Variants in ATP2B1 observed in about 807,000 individuals in gnomAD.
ATP2B1 encodes plasma membrane calcium-transporting ATPase 1.
A neutral mutation model predicts 124.2 loss-of-function variants in ATP2B1; 14 were observed. The observed-to-expected ratio is 0.11, with a 90% CI of 0.07 to 0.18. The LOEUF (loss-of-function observed/expected upper bound fraction) is 0.18. Ranked by LOEUF, ATP2B1 falls within the 10% of genes least tolerant of loss-of-function variation. The pLI, the probability that ATP2B1 is intolerant of heterozygous loss-of-function variation, is 1.00. For missense variants in ATP2B1, 763 were observed against 1,466.1 expected, an observed-to-expected ratio of 0.52 and a Z score of 7.83; for synonymous variants, 449 against 492.4, an observed-to-expected ratio of 0.91 and a Z score of 1.17.
chr12:89,659,915 C>CAAAAAAAAA (rs1234238576), intron 1 of ATP2B1, among the ~76,000 whole-genome samples: 1 of 42,508 alleles, frequency 2.4e-5, no homozygotes. Flanking sequence ...AAGCGAGACT[C>CAAAAAAAAA]AAAAAAAAAA....
intron 12 of ATP2B1, among the ~76,000 whole-genome samples, chr12:89,614,481 A>G (rs1370102101): frequency 2.0e-5 from 3 of 152,186 alleles, no homozygotes; most frequent in Non-Finnish European, 1.5e-5. Context: ...TAATCTCTCA[A>G]CAGGCTGCTG....
rs1892842150 is a variant in ATP2B1 at position 89,708,774 on chromosome 12, G to C, written c.-400C>G. ...GAGGTGCAGCTGCACCTCGGGGATG[G>C]GGCGGCCAAGGAGCCGAGAGGCTCG... On this transcript the variant is annotated 5_prime_UTR_variant, in exon 1 of 21. Transcript: ENST00000428670. 2.0e-5 allele frequency: 3 copies of C among 151,960 alleles called. No individual in the cohort carries two copies. Among genetic ancestry groups the C allele is most frequent in the Admixed American group, 1.3e-4 (2 of 15,266 alleles). The allele number at this position is 151,960 out of a possible 1,614,324, so 9.4% of individuals were successfully genotyped here.
rs1032842613 is a variant in ATP2B1, at chr12:89,648,501, A to G, written c.209-6146T>C. ...TCTCAGCAGCAAAACATTCAAGAAC[A>G]GGCATGGCTGATTCAACAGCCTACT... On this transcript the variant is annotated intron_variant, in intron 2 of 20. Transcript: ENST00000428670. Among the ~76,000 whole-genome samples, 8 of 152,224 alleles carry G rather than the reference A, an allele frequency of 5.3e-5. No individual in the cohort carries two copies. In the South Asian group the frequency reaches 8.3e-4, roughly 16 times the overall value.
rs753435833 is a variant in ATP2B1, at chr12:89,624,402, C to T, written c.1130-5G>A. On this transcript the variant is annotated splice_region_variant and splice_polypyrimidine_tract_variant and intron_variant, in intron 8 of 20. Coordinates refer to ENST00000428670, the MANE Select transcript of ATP2B1 (RefSeq NM_001366521.1). ...TGATGGCAGACATCAACAGACCTTT[C>T]AGAATAGAAATGAAAGAAAAATGTG... 6.2e-7 allele frequency: 1 copy of T among 1,605,546 alleles called. No homozygotes were observed. The highest frequency in any genetic ancestry group is 2.2e-5 in the East Asian group (1 of 44,754).
At chr12:89,704,371 C>T (rs1371284551) in intron 1 of ATP2B1, among the ~76,000 whole-genome samples, 3 of 152,062 alleles carry the variant, frequency 2.0e-5, no homozygotes, top group Non-Finnish European at 4.4e-5. Context: ...TTGTATTACA[C>T]CAAATATAAG....
At chr12:89,682,097 CA>C (rs1209168820) in intron 1 of ATP2B1, among the ~76,000 whole-genome samples, 16 of 151,960 alleles carry the variant, frequency 1.1e-4, no homozygotes, top group Non-Finnish European at 4.4e-5. Flanking sequence ...AACTAATAAC[CA>C]ATTACAAAAT....
At chr12:89,609,894 G>C (rs1263411516) in intron 15 of ATP2B1, 43 bp downstream of exon 15, 2 of 1,547,630 alleles carry the variant, frequency 1.3e-6, no homozygotes, top group Non-Finnish European at 1.8e-6. Context: ...AAACAAACCA[G>C]TCAGTAAATT....
intron 1 of ATP2B1, among the ~76,000 whole-genome samples, chr12:89,708,359 C>T (rs1345727332): frequency 1.3e-5 from 2 of 152,296 alleles, no homozygotes; most frequent in South Asian, 2.1e-4. Flanking sequence ...CCAGACTGAC[C>T]CGGCGCTGAG....
At chr12:89,643,104 G>A (rs987871957) in intron 2 of ATP2B1, among the ~76,000 whole-genome samples, 60 of 111,480 alleles carry the variant, frequency 5.4e-4, no homozygotes, top group Non-Finnish European at 7.7e-4. Context: ...ATATACATAC[G>A]TATATATATA....
intron 9 of ATP2B1, among the ~76,000 whole-genome samples, chr12:89,622,123 G>C (rs1211979318): frequency 6.6e-6 from 1 of 151,946 alleles, no homozygotes; most frequent in Admixed American, 6.6e-5. Context: ...TCCTCACATT[G>C]CAAGAGCAAT....
At chr12:89,663,742 A>G (rs1247685389) in intron 1 of ATP2B1, among the ~76,000 whole-genome samples, 2 of 152,196 alleles carry the variant, frequency 1.3e-5, no homozygotes, top group Non-Finnish European at 2.9e-5. Context: ...TAATGGACAC[A>G]TTTAGCCCTA....
chr12:89,655,861 AC>A lies in ATP2B1; in HGVS notation c.25del (p.Val9LeufsTer6). On this transcript the variant is annotated frameshift_variant, in exon 2 of 21. Transcript: ENST00000428670. LOFTEE classifies it high-confidence loss of function. The stretch of plus-strand genomic sequence containing the variant: ...AGAGTTTTTCACACCACTGTAAGCA[AC>A]TGAGTTGTTTGCCATGTCGCCCATT... MGDMANNSVAYSGVKNSLK... is the reference protein window; with the variant it reads MGDMANNSXAYSGVKNSLK... 1 of 1,602,868 alleles carries A rather than the reference AC, an allele frequency of 6.2e-7. No individual in the cohort carries two copies. Among genetic ancestry groups the A allele is most frequent in the Non-Finnish European group, 8.5e-7 (1 of 1,172,274 alleles).
chr12:89,606,878 T>C (rs928508650), intron 15 of ATP2B1, among the ~76,000 whole-genome samples: 2 of 152,134 alleles, frequency 1.3e-5, no homozygotes. Context: ...GCCTGGCCAA[T>C]GTCCCATATA....
At chr12:89,693,036 T>C (rs1890722135) in intron 1 of ATP2B1, among the ~76,000 whole-genome samples, 2 of 152,218 alleles carry the variant, frequency 1.3e-5, no homozygotes, top group South Asian at 4.1e-4. Flanking sequence ...ATACTTAATT[T>C]TTCATTTTAC....
chr12:89,681,123 G>C (rs1889301429), intron 1 of ATP2B1, among the ~76,000 whole-genome samples: 1 of 152,064 alleles, frequency 6.6e-6, no homozygotes, highest in African/African-American at 2.4e-5. Flanking sequence ...TTAATCGTAG[G>C]ACTAAAACTA....
intron 1 of ATP2B1, among the ~76,000 whole-genome samples, chr12:89,701,015 T>A (rs937654283): frequency 6.6e-6 from 1 of 152,266 alleles, no homozygotes; most frequent in Non-Finnish European, 1.5e-5. Context: ...CTACTCTATG[T>A]ATCACTCAGA....
intron 1 of ATP2B1, among the ~76,000 whole-genome samples, chr12:89,696,050 A>G (rs1318601162): frequency 6.6e-6 from 1 of 152,266 alleles, no homozygotes; most frequent in Non-Finnish European, 1.5e-5. Flanking sequence ...AGGTATAAAC[A>G]GGGCATTGTG....
intron 1 of ATP2B1, among the ~76,000 whole-genome samples, chr12:89,687,486 A>G (rs552187156): frequency 6.6e-6 from 1 of 152,034 alleles, no homozygotes; most frequent in Non-Finnish European, 1.5e-5. Context: ...CATATTTTAC[A>G]TGAGGTACTT....
At chr12:89,668,350 A>T (rs1887552146) in intron 1 of ATP2B1, among the ~76,000 whole-genome samples, 1 of 152,202 alleles carries the variant, frequency 6.6e-6, no homozygotes, top group Non-Finnish European at 1.5e-5. Flanking sequence ...AATGCTATTA[A>T]AATCCTCAAG....
Sources: gnomAD v4.1 joint callset for allele counts (sites outside exome capture counted in the v4.1 genomes callset) on GRCh38, gnomAD v4.1.1 for gene constraint, MANE v1.5 for transcripts, NCBI Gene and HGNC (gene_info 2026-07-23, HGNC 2026-07-21) for gene names.